Variants in ZDHHC14 observed in about 807,000 individuals in gnomAD.
ZDHHC14 encodes the protein zDHHC palmitoyltransferase 14.
ZDHHC14 carries 16 observed loss-of-function variants against 47.7 expected under a neutral mutation model. That is an observed-to-expected ratio of 0.34 (90% CI 0.23 to 0.51). The LOEUF is 0.51. Among genes scored for constraint, ZDHHC14 ranks in the 20% least tolerant of loss-of-function variants. ZDHHC14 has a pLI of 0.97. For synonymous variants in ZDHHC14, 293 were observed against 278.9 expected (o/e 1.05, Z -0.50); for missense variants, 515 against 662.5 (o/e 0.78, Z 2.44).
At chr6:157,406,133 G>C (rs1025300861) in intron 1 of ZDHHC14, among the ~76,000 whole-genome samples, 1 of 152,194 alleles carries the variant, frequency 6.6e-6, no homozygotes, top group Admixed American at 6.5e-5. Flanking sequence ...GCTCCAGAGC[G>C]TGGATTAGCT....
chr6:157,514,513 G>A (rs1040556009), intron 1 of ZDHHC14, among the ~76,000 whole-genome samples: 2 of 152,210 alleles, frequency 1.3e-5, no homozygotes, highest in Non-Finnish European at 2.9e-5. Context: ...TAAATACTCT[G>A]ATATCGCCAA....
chr6:157,529,364 A>G (rs1781284888), intron 1 of ZDHHC14, among the ~76,000 whole-genome samples: 1 of 152,230 alleles, frequency 6.6e-6, no homozygotes, highest in South Asian at 2.1e-4. Flanking sequence ...AAAACTAACC[A>G]GTACGGTCTT....
intron 2 of ZDHHC14, among the ~76,000 whole-genome samples, chr6:157,570,190 C>T (rs576445564): frequency 3.3e-5 from 5 of 152,320 alleles, no homozygotes; most frequent in Non-Finnish European, 7.3e-5. Flanking sequence ...TGCTAATGCT[C>T]TCAATATTAA....
intron 3 of ZDHHC14, among the ~76,000 whole-genome samples, chr6:157,607,643 C>CT (rs1784593203): frequency 6.6e-6 from 1 of 152,136 alleles, no homozygotes; most frequent in Non-Finnish European, 1.5e-5. Flanking sequence ...GCCCTCTGCC[C>CT]TTTCGTCTGG....
At chr6:157,498,000 T>C (rs934357412) in intron 1 of ZDHHC14, among the ~76,000 whole-genome samples, 1 of 152,236 alleles carries the variant, frequency 6.6e-6, no homozygotes, top group Non-Finnish European at 1.5e-5. Flanking sequence ...GAACAGGAGC[T>C]TTCCATAATC....
chr6:157,556,655 G>A (rs188185170), intron 2 of ZDHHC14, among the ~76,000 whole-genome samples: 1 of 152,334 alleles, frequency 6.6e-6, no homozygotes, highest in African/African-American at 2.4e-5. Context: ...AGCACGTACA[G>A]AGTGAGACTG....
intron 2 of ZDHHC14, among the ~76,000 whole-genome samples, chr6:157,577,199 C>CT (rs1254646837): frequency 1.3e-5 from 2 of 152,154 alleles, no homozygotes; most frequent in Non-Finnish European, 2.9e-5. Flanking sequence ...TGATTTCATT[C>CT]TTTTTTAAGG....
chr6:157,585,417 A>G (rs1783656132), intron 2 of ZDHHC14, among the ~76,000 whole-genome samples: 1 of 151,604 alleles, frequency 6.6e-6, no homozygotes, highest in South Asian at 2.1e-4. Context: ...AAAATACAAA[A>G]AAAAAAAAAA....
At chr6:157,518,359 G>T (rs891386442) in intron 1 of ZDHHC14, among the ~76,000 whole-genome samples, 1 of 134,686 alleles carries the variant, frequency 7.4e-6, no homozygotes, top group African/African-American at 2.7e-5. Context: ...ACTATGTGTG[G>T]TCATTGAGCT....
chr6:157,484,328 C>T (rs1423143496), intron 1 of ZDHHC14, among the ~76,000 whole-genome samples: 32 of 82,676 alleles, frequency 3.9e-4, no homozygotes, highest in African/African-American at 7.8e-4. Context: ...CATATATATA[C>T]GTATATATAC....
At position 157,575,609 on chromosome 6, in the gene ZDHHC14, A is replaced by G. The variant is rs373294157; in HGVS notation, c.407-17379A>G. Among the ~76,000 whole-genome samples the G allele has an allele frequency of 7.9e-5, 12 of 152,218 alleles. No homozygotes were observed. In the East Asian group the frequency reaches 1.4e-3, roughly 17 times the overall value. ...GGTTCCCTGCTCCCAGCGAGTGTGC[A>G]CACCCCCACACACATTGTCTAGGGA... On this transcript the variant is annotated intron_variant, in intron 2 of 8. Transcript: ENST00000359775.
chr6:157,647,383 G>T lies in ZDHHC14; in HGVS notation c.965+15G>T. The T allele has an allele frequency of 6.3e-7, 1 of 1,593,904 alleles. No homozygotes were observed. The highest frequency in any genetic ancestry group is 8.6e-7 in the Non-Finnish European group (1 of 1,165,466). On this transcript the variant is annotated intron_variant, in intron 7 of 8. Coordinates refer to ENST00000359775, the MANE Select transcript of ZDHHC14 (RefSeq NM_024630.3). ...ATCTCACCAAGGTAAGACTCAGGAC[G>T]CATCGTGCTCTTCAACAGACCTTGG...
chr6:157,411,417 A>G (rs1777867391), intron 1 of ZDHHC14, among the ~76,000 whole-genome samples: 1 of 152,198 alleles, frequency 6.6e-6, no homozygotes, highest in African/African-American at 2.4e-5. Flanking sequence ...GTGTGAGAAG[A>G]TGTCATATAA....
chr6:157,451,150 A>T (rs1370854123), intron 1 of ZDHHC14, among the ~76,000 whole-genome samples: 1 of 152,110 alleles, frequency 6.6e-6, no homozygotes. Context: ...AAACCAATTA[A>T]CCTTTGCTGT....
At chr6:157,651,582 T>C (rs1020578782) in intron 7 of ZDHHC14, among the ~76,000 whole-genome samples, 1 of 152,120 alleles carries the variant, frequency 6.6e-6, no homozygotes, top group Admixed American at 6.5e-5. Flanking sequence ...TCCTTTTTTT[T>C]TTTTGAGATG....
chr6:157,532,311 T>C (rs1781394424), intron 1 of ZDHHC14, among the ~76,000 whole-genome samples: 1 of 152,258 alleles, frequency 6.6e-6, no homozygotes, highest in South Asian at 2.1e-4. Flanking sequence ...ATGTCTCTGT[T>C]GAGCAATTCA....
At chr6:157,504,327 AT>A (rs35053189) in intron 1 of ZDHHC14, among the ~76,000 whole-genome samples, 63,140 of 137,098 alleles carry the variant, frequency 0.46, 13,322 homozygotes, top group Middle Eastern at 0.54. Flanking sequence ...AATTTTTTGT[AT>A]TTTTTTTTTT....
In ZDHHC14 at chr6:157,586,267, C is replaced by G. The variant is rs1017824208; in HGVS notation, c.407-6721C>G. Among the ~76,000 whole-genome samples the G allele has an allele frequency of 6.6e-6, 1 of 152,068 alleles. No individual in the cohort carries two copies. The highest frequency in any genetic ancestry group is 2.4e-5 in the African/African-American group (1 of 41,414). On this transcript the variant is annotated intron_variant, in intron 2 of 8. Transcript: ENST00000359775. The surrounding 1 kb of genome is among the most constrained non-coding windows in gnomAD (Gnocchi z 4.6). ...AAACAAGGCAGGCGCAGTGAGAGCCCAAAGGAGGAAACAAGTAACTCTGCT... is the reference window on the plus strand; with the variant it reads ...AAACAAGGCAGGCGCAGTGAGAGCCGAAAGGAGGAAACAAGTAACTCTGCT...
intron 1 of ZDHHC14, among the ~76,000 whole-genome samples, chr6:157,459,744 T>C (rs1682752455): frequency 6.6e-6 from 1 of 152,122 alleles, no homozygotes; most frequent in African/African-American, 2.4e-5. Context: ...TTCATTCCTC[T>C]GGGTTGATCA....
Sources: gnomAD v4.1 joint callset for allele counts (sites outside exome capture counted in the v4.1 genomes callset) on GRCh38, gnomAD v4.1.1 for gene constraint, Gnocchi (gnomAD v3.1) non-coding constraint, MANE v1.5 for transcripts, NCBI Gene and HGNC (gene_info 2026-07-23, HGNC 2026-07-21) for gene names.